The following TSEN15 variants were observed in gnomAD, a reference collection of about 807,000 sequenced individuals.
The protein encoded by TSEN15 is tRNA-splicing endonuclease subunit Sen15.
Under a neutral mutation model 20.5 loss-of-function variants are expected in TSEN15, and 10 were observed. The ratio of observed to expected loss-of-function variants is 0.49; its 90% CI spans 0.30 to 0.83. TSEN15 has a LOEUF of 0.83. TSEN15 is among the 40% of genes least tolerant of loss of function. TSEN15 has a pLI of 0.06. For missense variants in TSEN15, 180 were observed against 218.6 expected, an observed-to-expected ratio of 0.82 and a Z score of 1.11; for synonymous variants, 72 against 80.1, an observed-to-expected ratio of 0.90 and a Z score of 0.54.
chr1:184,067,938 AAAAAT>A (rs1465072401), intron 3 of TSEN15, among the ~76,000 whole-genome samples: 8 of 115,588 alleles, frequency 6.9e-5, no homozygotes, highest in African/African-American at 2.3e-4. Context: ...AAAAAAAAAA[AAAAAT>A]ATATATATAT....
chr1:184,054,460 T>A, intron 2 of TSEN15, 25 bp downstream of exon 2: 1 of 1,544,650 alleles, frequency 6.5e-7, no homozygotes, highest in South Asian at 1.1e-5. Flanking sequence ...TATATTGTTT[T>A]GTTATTGGGA....
At chr1:184,058,726 T>C (rs913712200) in intron 3 of TSEN15, among the ~76,000 whole-genome samples, 8 of 152,026 alleles carry the variant, frequency 5.3e-5, no homozygotes, top group African/African-American at 1.9e-4. Context: ...GTCCTAAAAG[T>C]ATTTGGTGGG....
chr1:184,060,990 C>A (rs1251812729), intron 3 of TSEN15, among the ~76,000 whole-genome samples: 2 of 152,080 alleles, frequency 1.3e-5, no homozygotes, highest in African/African-American at 4.8e-5. Context: ...GTGCCCCATC[C>A]CAATCATAAT....
intron 3 of TSEN15, among the ~76,000 whole-genome samples, chr1:184,065,123 A>G (rs1235604771): frequency 6.6e-6 from 1 of 152,104 alleles, no homozygotes; most frequent in Admixed American, 6.6e-5. Flanking sequence ...TTGTCAATAA[A>G]TGGCAACTCT....
intron 3 of TSEN15, among the ~76,000 whole-genome samples, chr1:184,061,233 C>A (rs1264283602): frequency 6.6e-5 from 10 of 152,206 alleles, no homozygotes. Flanking sequence ...TTACTTGCCA[C>A]ATACTATACA....
In TSEN15 at chr1:184,051,947, C is replaced by T. The variant is rs1016231992; in HGVS notation, c.135+57C>T. ...CCAGGCCCCTAACCCAGGCAGAACA[C>T]TCCCAGGCAGCTCTCTTTCTTTCTT... is the stretch of plus-strand genomic sequence containing the variant. On this transcript the variant is annotated intron_variant, in intron 1 of 4. Coordinates refer to ENST00000645668, the MANE Select transcript of TSEN15 (RefSeq NM_052965.4). 31 of 1,380,482 alleles carry T rather than the reference C, an allele frequency of 2.2e-5. No individual in the cohort carries two copies. The African/African-American group carries it at 4.2e-4, about 19-fold the overall frequency. 85.5% of individuals were successfully genotyped at this position (1,380,482 alleles called of 1,614,324 possible). A position where few individuals can be genotyped will look rare whatever the true frequency, so the allele number is the denominator to read the frequency against.
intron 3 of TSEN15, among the ~76,000 whole-genome samples, chr1:184,062,682 C>T (rs1164862489): frequency 2.6e-5 from 4 of 152,070 alleles, no homozygotes; most frequent in Non-Finnish European, 5.9e-5. Context: ...GTGACTTATA[C>T]AGGGACTCAA....
intron 3 of TSEN15, among the ~76,000 whole-genome samples, chr1:184,088,007 G>T (rs913624164): frequency 1.3e-5 from 2 of 152,142 alleles, no homozygotes; most frequent in East Asian, 1.9e-4. Context: ...CCACCACAAG[G>T]CTTCGTAATT....
chr1:184,053,056 C>T (rs1926871), intron 1 of TSEN15, among the ~76,000 whole-genome samples: 105,099 of 152,084 alleles, frequency 0.69, 36,857 homozygotes, highest in African/African-American at 0.81. Flanking sequence ...ACTTAATAAG[C>T]GAAACACCAG....
chr1:184,055,481 A>G (rs1210735168), intron 3 of TSEN15, among the ~76,000 whole-genome samples: 1 of 152,218 alleles, frequency 6.6e-6, no homozygotes, highest in Admixed American at 6.5e-5. Context: ...GTACTTTTTC[A>G]GAGACAGTAT....
At chr1:184,084,015 A>G (rs1450316282) in intron 3 of TSEN15, among the ~76,000 whole-genome samples, 1 of 152,142 alleles carries the variant, frequency 6.6e-6, no homozygotes, top group East Asian at 1.9e-4. Context: ...TTGAGGCCCA[A>G]GAGACTTGCA....
intron 3 of TSEN15, among the ~76,000 whole-genome samples, chr1:184,092,114 G>A (rs1382269734): frequency 6.6e-6 from 1 of 152,208 alleles, no homozygotes; most frequent in Non-Finnish European, 1.5e-5. Context: ...ATCTCCAGGG[G>A]AGAGGCTGGC....
At position 184,073,868 on chromosome 1, in the gene TSEN15, A is replaced by G. The variant is rs183927829; in HGVS notation, c.*1021A>G. On this transcript the variant is annotated 3_prime_UTR_variant, in exon 5 of 5. Coordinates refer to ENST00000645668, the MANE Select transcript of TSEN15 (RefSeq NM_052965.4). ...AATACGGGCGTGGCTTTGTTCCAGTAAAACTTTGTTTACAAATGTGGTGCC... is the reference window on the plus strand; with the variant it reads ...AATACGGGCGTGGCTTTGTTCCAGTGAAACTTTGTTTACAAATGTGGTGCC... 4 of 152,324 alleles carry G rather than the reference A, an allele frequency of 2.6e-5. No individual in the cohort carries two copies. Among genetic ancestry groups the G allele is most frequent in the Admixed American group, 2.6e-4 (4 of 15,276 alleles). 9.4% of individuals were successfully genotyped at this position (152,324 alleles called of 1,614,324 possible). A position where few individuals can be genotyped will look rare whatever the true frequency, so the allele number is the denominator to read the frequency against.
At chr1:184,074,673 A>T (rs1651023540), downstream of TSEN15, among the ~76,000 whole-genome samples, 1 of 152,180 alleles carries the variant, frequency 6.6e-6, no homozygotes. Flanking sequence ...CTGCCTACAC[A>T]CTAGGGTTTC....
At chr1:184,067,285 C>G (rs1360423910) in intron 3 of TSEN15, among the ~76,000 whole-genome samples, 1 of 152,152 alleles carries the variant, frequency 6.6e-6, no homozygotes, top group African/African-American at 2.4e-5. Flanking sequence ...CTGCTATTAT[C>G]TCACCTCCTG....
chr1:184,059,069 T>C (rs1650353481), intron 3 of TSEN15, among the ~76,000 whole-genome samples: 1 of 151,984 alleles, frequency 6.6e-6, no homozygotes. Flanking sequence ...GGATGGAATT[T>C]TAAAAAACAG....
chr1:184,067,088 TAC>T, intron 3 of TSEN15, among the ~76,000 whole-genome samples: 1 of 152,352 alleles, frequency 6.6e-6, no homozygotes, highest in African/African-American at 2.4e-5. Context: ...TATATAGGAA[TAC>T]AGTGGACTTT....
chr1:184,086,578 G>A (rs1279109881), intron 3 of TSEN15, among the ~76,000 whole-genome samples: 2 of 152,166 alleles, frequency 1.3e-5, no homozygotes, highest in Non-Finnish European at 2.9e-5. Flanking sequence ...AGGCTTGACT[G>A]GGGCTGGAGG....
chr1:184,056,973 C>T (rs965360891), intron 3 of TSEN15, among the ~76,000 whole-genome samples: 1 of 152,114 alleles, frequency 6.6e-6, no homozygotes, highest in African/African-American at 2.4e-5. Flanking sequence ...GATGGCTTCT[C>T]CTAATTCTGG....
Sources: gnomAD v4.1 joint callset for allele counts (sites outside exome capture counted in the v4.1 genomes callset) on GRCh38, gnomAD v4.1.1 for gene constraint, MANE v1.5 for transcripts, NCBI Gene and HGNC (gene_info 2026-07-23, HGNC 2026-07-21) for gene names.